FAT3: variants seen among roughly 807,000 people sequenced by gnomAD.
FAT3 encodes FAT atypical cadherin 3.
FAT3 carries 95 observed loss-of-function variants against 310.2 expected under a neutral mutation model. The ratio of observed to expected loss-of-function variants is 0.31; its 90% CI spans 0.26 to 0.36. The LOEUF is 0.36. FAT3 is among the 10% of genes least tolerant of loss of function. The pLI is 1.00. For synonymous variants in FAT3, 2,314 were observed against 2,192.9 expected (o/e 1.06, Z -1.54); for missense variants, 5,408 against 5,715.6 (o/e 0.95, Z 1.74).
At chr11:92,276,038 A>G (rs1017089471) in intron 1 of FAT3, among the ~76,000 whole-genome samples, 1 of 152,208 alleles carries the variant, frequency 6.6e-6, no homozygotes, top group African/African-American at 2.4e-5. Context: ...AATATGAAAA[A>G]GAGGCCACTT....
Position 92,891,221 on chromosome 11 carries a change from G to T in FAT3, c.*108G>T. The stretch of plus-strand genomic sequence containing the variant: ...GTCTGTGGAATGAGAAGGGAATACT[G>T]TATTTTTCCACTAGAAACTTCTTCA... On this transcript the variant is annotated 3_prime_UTR_variant, in exon 28 of 28. Coordinates refer to ENST00000525166, the MANE Select transcript of FAT3 (RefSeq NM_001367949.2). 7.2e-7 allele frequency: 1 copy of T among 1,391,580 alleles called. No homozygotes were observed. Among genetic ancestry groups the T allele is most frequent in the African/African-American group, 1.4e-5 (1 of 70,092 alleles). 86.2% of individuals were successfully genotyped at this position (1,391,580 alleles called of 1,614,324 possible).
chr11:92,431,223 T>C (rs1031768904), intron 2 of FAT3, among the ~76,000 whole-genome samples: 1 of 152,232 alleles, frequency 6.6e-6, no homozygotes, highest in Non-Finnish European at 1.5e-5. Context: ...TGAGATGATA[T>C]CTCATTGTGG....
In FAT3 at chr11:92,252,745, T is replaced by A. The variant is rs116205711; in HGVS notation, c.-18+27571T>A. On this transcript the variant is annotated intron_variant, in intron 1 of 27. Transcript: ENST00000525166. Reference sequence around the variant, plus strand: ...TCTCTATGCTGGCTGTGCATCAGAATCAGGGGAGCTCTAAAAGACAGATTC... The same window carrying A: ...TCTCTATGCTGGCTGTGCATCAGAAACAGGGGAGCTCTAAAAGACAGATTC... Among the ~76,000 whole-genome samples the A allele has an allele frequency of 3.9e-3, 598 of 152,238 alleles. 3 individuals carry two copies. Among genetic ancestry groups the A allele is most frequent in the African/African-American group, 0.014 (577 of 41,556 alleles).
intron 1 of FAT3, among the ~76,000 whole-genome samples, chr11:92,311,692 A>C (rs562901114): frequency 6.6e-6 from 1 of 152,248 alleles, no homozygotes; most frequent in African/African-American, 2.4e-5. Context: ...AGAAGACTGT[A>C]ATTTTCTTGA....
intron 21 of FAT3, among the ~76,000 whole-genome samples, chr11:92,865,733 T>A (rs1412585700): frequency 6.6e-6 from 1 of 152,208 alleles, no homozygotes; most frequent in Non-Finnish European, 1.5e-5. Context: ...CAAAGACATG[T>A]TTTCTTTGCA....
chr11:92,843,881 T>C, intron 18 of FAT3, 53 bp from the exon 19 acceptor site: 3 of 1,506,556 alleles, frequency 2.0e-6, no homozygotes, highest in South Asian at 2.7e-5. Context: ...TTTAAAAACT[T>C]ACTATGATTA....
At chr11:92,671,979 C>T (rs573255920) in intron 3 of FAT3, among the ~76,000 whole-genome samples, 19 of 152,064 alleles carry the variant, frequency 1.2e-4, no homozygotes, top group South Asian at 4.2e-4. Context: ...TTTACCTGGG[C>T]GTGGTGGTGG....
chr11:92,449,104 A>G (rs1349963935), intron 2 of FAT3, among the ~76,000 whole-genome samples: 1 of 152,074 alleles, frequency 6.6e-6, no homozygotes, highest in Non-Finnish European at 1.5e-5. Flanking sequence ...TCCTCACAAT[A>G]TCCTCATCCC....
chr11:92,856,010 T>G (rs3847546), intron 19 of FAT3, among the ~76,000 whole-genome samples: 1 of 146,338 alleles, frequency 6.8e-6, no homozygotes, highest in Non-Finnish European at 1.5e-5. Flanking sequence ...AGACAGGGTC[T>G]TGTTCTGTTG....
intron 4 of FAT3, among the ~76,000 whole-genome samples, chr11:92,714,069 A>C (rs1272963388): frequency 1.3e-5 from 2 of 152,220 alleles, no homozygotes; most frequent in African/African-American, 4.8e-5. Context: ...AGGGCAGATG[A>C]ATGAGAGAGT....
In FAT3 at chr11:92,354,891, G is replaced by A; in HGVS notation, c.2779G>A (p.Asp927Asn). The A allele has an allele frequency of 6.2e-7, 1 of 1,613,906 alleles. No individual in the cohort carries two copies. Reference sequence around the variant, plus strand: ...AGTTGTCACTCTTAAAGTTTTTTTAGATGATGTCAATGACTGCTCCCCAGC... The same window carrying A: ...AGTTGTCACTCTTAAAGTTTTTTTAAATGATGTCAATGACTGCTCCCCAGC... Reference protein sequence around the residue: ...FSVVTLKVFLDDVNDCSPAFI... With the variant: ...FSVVTLKVFLNDVNDCSPAFI... The change falls in exon 2 of 28, where the codon GAT becomes AAT. Residue 927 changes from aspartate (D) to asparagine (N), a missense_variant. By Grantham distance (23) the Asp-to-Asn change is conservative. Coordinates refer to ENST00000525166, the MANE Select transcript of FAT3 (RefSeq NM_001367949.2).
intron 1 of FAT3, among the ~76,000 whole-genome samples, chr11:92,278,268 T>A (rs1014992596): frequency 2.0e-5 from 3 of 152,160 alleles, no homozygotes; most frequent in Non-Finnish European, 2.9e-5. Context: ...TAATCAACTA[T>A]TAGGGAGTGG....
chr11:92,789,155 C>A (rs943797872), intron 7 of FAT3, among the ~76,000 whole-genome samples: 5 of 152,010 alleles, frequency 3.3e-5, no homozygotes, highest in Non-Finnish European at 7.4e-5. Context: ...TGTGTTTATT[C>A]TAAGAGTTCT....
intron 3 of FAT3, among the ~76,000 whole-genome samples, chr11:92,597,765 A>T (rs1365586249): frequency 6.6e-6 from 1 of 152,216 alleles, no homozygotes; most frequent in African/African-American, 2.4e-5. Flanking sequence ...GACTGATATG[A>T]ATCAAAATTA....
At chr11:92,582,651 A>G (rs1015368233) in intron 3 of FAT3, among the ~76,000 whole-genome samples, 9 of 152,042 alleles carry the variant, frequency 5.9e-5, no homozygotes, top group African/African-American at 1.2e-4. Flanking sequence ...GCAGAGGCAT[A>G]TGCTCTCTAA....
At chr11:92,434,707 A>G (rs1322751247) in intron 2 of FAT3, among the ~76,000 whole-genome samples, 1 of 152,208 alleles carries the variant, frequency 6.6e-6, no homozygotes. Context: ...TGGCATGGAT[A>G]TGTAATGCCT....
chr11:92,694,912 C>T (rs773543178), intron 3 of FAT3, among the ~76,000 whole-genome samples: 1 of 152,196 alleles, frequency 6.6e-6, no homozygotes, highest in Non-Finnish European at 1.5e-5. Flanking sequence ...GCCTCTGTGA[C>T]ATATGACCTT....
intron 2 of FAT3, among the ~76,000 whole-genome samples, chr11:92,437,659 G>A (rs1950969413): frequency 6.6e-6 from 1 of 152,114 alleles, no homozygotes; most frequent in Non-Finnish European, 1.5e-5. Flanking sequence ...GATGGGTTAG[G>A]ATATTCCAGT....
At position 92,895,356 on chromosome 11, in the gene FAT3, G is replaced by C. The variant is rs559941700; in HGVS notation, c.*4243G>C. On this transcript the variant is annotated 3_prime_UTR_variant, in exon 28 of 28. Transcript: ENST00000525166. ...TGGTTGTGTAATGCTGGGGTTTAAA[G>C]TCACCATTTGTGGGTTTGGCATCAA... The C allele has an allele frequency of 6.6e-6, 1 of 152,312 alleles. No homozygotes were observed. The highest frequency in any genetic ancestry group is 2.1e-4 in the South Asian group (1 of 4,822). The allele number at this position is 152,312 out of a possible 1,614,324, so 9.4% of individuals were successfully genotyped here. A position where few individuals can be genotyped will look rare whatever the true frequency, so the allele number is the denominator to read the frequency against.
Sources: allele counts gnomAD v4.1 joint callset (sites outside exome capture counted in the v4.1 genomes callset), GRCh38; gene constraint gnomAD v4.1.1; transcripts MANE v1.5; gene names NCBI Gene and HGNC (gene_info 2026-07-23, HGNC 2026-07-21).